FMN2: variants seen among roughly 807,000 people sequenced by gnomAD.
FMN2 encodes the protein formin-2.
A neutral mutation model predicts 142.3 loss-of-function variants in FMN2; 51 were observed. The ratio of observed to expected loss-of-function variants is 0.36; its 90% confidence interval spans 0.29 to 0.45. The LOEUF (loss-of-function observed/expected upper bound fraction) is 0.45, where lower values mean the gene tolerates loss of function less well. FMN2 is among the 20% of genes least tolerant of loss of function. The probability of loss-of-function intolerance (pLI) is 1.00; values close to 1 mark genes in which losing one functional copy is unlikely to be tolerated. For missense variants in FMN2, 1,936 were observed against 2,122.8 expected (o/e 0.91, Z 1.73); for synonymous variants, 882 against 869.8 (o/e 1.01, Z -0.25).
At chr1:240,377,403 A>T (rs1438458680) in intron 14 of FMN2, among the ~76,000 whole-genome samples, 1 of 151,810 alleles carries the variant, frequency 6.6e-6, no homozygotes, top group Non-Finnish European at 1.5e-5. Context: ...GTTTTCCGTT[A>T]GTGCTGTAAC....
rs1376983513 is a variant in FMN2 at position 240,228,332 on chromosome 1, AG to A, written c.4065+17098del. Reference sequence around the variant, plus strand: ...AAAAAAAAAAAAAAAAAAAAAAAAAAGAAAAAGAAAAAGAAAAAGAAAGAAA... The same window carrying A: ...AAAAAAAAAAAAAAAAAAAAAAAAAAAAAAAGAAAAAGAAAAAGAAAGAAA... On this transcript the variant is annotated intron_variant, in intron 6 of 17. Coordinates refer to ENST00000319653, the MANE Select transcript of FMN2 (RefSeq NM_020066.5). 8.4e-3 allele frequency among the ~76,000 whole-genome samples: 559 copies of A among 66,594 alleles called. 4 individuals are homozygous for A. The highest frequency in any genetic ancestry group is 0.024 in the Middle Eastern group (2 of 82). The allele number at this position is 66,594 out of a possible 152,430, so 43.7% of individuals were successfully genotyped here. A position where few individuals can be genotyped will look rare whatever the true frequency, so the allele number is the denominator to read the frequency against.
intron 2 of FMN2, chr1:240,170,845 C>G (rs752281178): frequency 2.4e-6 from 2 of 820,396 alleles, no homozygotes; most frequent in Non-Finnish European, 4.4e-6. Flanking sequence ...GGACATCCAT[C>G]AAGATAAATT....
intron 2 of FMN2, among the ~76,000 whole-genome samples, chr1:240,160,862 T>G (rs913423211): frequency 6.6e-6 from 1 of 152,090 alleles, no homozygotes; most frequent in South Asian, 2.1e-4. Context: ...AGATAAATAA[T>G]TAGAAATAAA....
At chr1:240,185,604 G>C (rs1665411616) in intron 3 of FMN2, among the ~76,000 whole-genome samples, 1 of 152,212 alleles carries the variant, frequency 6.6e-6, no homozygotes, top group South Asian at 2.1e-4. Flanking sequence ...CTGATAAACT[G>C]CACTTGTTCT....
intron 15 of FMN2, among the ~76,000 whole-genome samples, chr1:240,437,344 A>G (rs899824878): frequency 9.1e-5 from 12 of 131,568 alleles, no homozygotes; most frequent in African/African-American, 1.2e-4. Flanking sequence ...CCCCGGCTGG[A>G]GTGCAGTGGT....
intron 6 of FMN2, among the ~76,000 whole-genome samples, chr1:240,256,882 A>G (rs1158025563): frequency 6.6e-6 from 1 of 152,232 alleles, no homozygotes; most frequent in Non-Finnish European, 1.5e-5. Flanking sequence ...ATTGCTATTA[A>G]GAATATTGTT....
chr1:240,180,140 G>T, intron 3 of FMN2: 1 of 1,267,006 alleles, frequency 7.9e-7, no homozygotes, highest in Non-Finnish European at 1.0e-6. Context: ...GAAATAACTT[G>T]TCTCCTTTTT....
At chr1:240,117,384 A>C (rs1161091175) in intron 1 of FMN2, among the ~76,000 whole-genome samples, 2 of 152,186 alleles carry the variant, frequency 1.3e-5, no homozygotes, top group African/African-American at 4.8e-5. Context: ...GACAGACAAC[A>C]CCTGTGTGGC....
intron 13 of FMN2, among the ~76,000 whole-genome samples, chr1:240,339,394 A>G (rs1238455582): frequency 6.6e-6 from 1 of 152,112 alleles, no homozygotes; most frequent in Non-Finnish European, 1.5e-5. Flanking sequence ...TAGCATAGGT[A>G]TGTGTATATA....
chr1:240,180,311 G>A (rs1394541377), intron 3 of FMN2: 4 of 446,274 alleles, frequency 9.0e-6, no homozygotes, highest in East Asian at 8.6e-5. Flanking sequence ...ACTCCCTGAC[G>A]TAAATTTGGA....
At chr1:240,200,442 C>T (rs185751761) in intron 4 of FMN2, among the ~76,000 whole-genome samples, 169 of 152,246 alleles carry the variant, frequency 1.1e-3, no homozygotes, top group African/African-American at 4.0e-3. Flanking sequence ...AACTGGTACT[C>T]TCTGAGAGCC....
At chr1:240,185,844 G>C (rs984142190) in intron 3 of FMN2, among the ~76,000 whole-genome samples, 30 of 152,258 alleles carry the variant, frequency 2.0e-4, no homozygotes, top group African/African-American at 6.7e-4. Flanking sequence ...GGGAGGATTT[G>C]GAAGTGACGA....
chr1:240,447,568 G>A (rs572993763), intron 16 of FMN2, among the ~76,000 whole-genome samples: 18 of 152,254 alleles, frequency 1.2e-4, no homozygotes, highest in African/African-American at 2.4e-4. Flanking sequence ...GAGAATGTAC[G>A]GAACTCTCAT....
intron 6 of FMN2, among the ~76,000 whole-genome samples, chr1:240,214,325 G>A (rs1467622697): frequency 1.3e-5 from 2 of 152,024 alleles, no homozygotes; most frequent in Non-Finnish European, 2.9e-5. Context: ...GCCGAGGCGG[G>A]CGGATCACGA....
intron 15 of FMN2, among the ~76,000 whole-genome samples, chr1:240,398,250 C>T (rs765890446): frequency 2.6e-5 from 4 of 152,132 alleles, no homozygotes; most frequent in South Asian, 2.1e-4. Context: ...GTGGTCTGCC[C>T]GCCTTGGCCT....
At chr1:240,281,079 C>G (rs183980722) in intron 7 of FMN2, among the ~76,000 whole-genome samples, 73 of 152,238 alleles carry the variant, frequency 4.8e-4, no homozygotes, top group African/African-American at 1.7e-3. Flanking sequence ...TTAACTTGTA[C>G]AGCTCTTATA....
chr1:240,135,367 T>C (rs1269775607), intron 2 of FMN2, among the ~76,000 whole-genome samples: 2 of 152,216 alleles, frequency 1.3e-5, no homozygotes, highest in Non-Finnish European at 1.5e-5. Flanking sequence ...CTGTAAGGGA[T>C]ATTTTCCAAT....
chr1:240,247,665 T>C (rs1167289532), intron 6 of FMN2, among the ~76,000 whole-genome samples: 1 of 152,090 alleles, frequency 6.6e-6, no homozygotes, highest in Admixed American at 6.6e-5. Flanking sequence ...GGTATCAGTT[T>C]GGAGAATGGA....
chr1:240,276,877 T>C (rs971588996), intron 7 of FMN2, among the ~76,000 whole-genome samples: 2 of 152,206 alleles, frequency 1.3e-5, no homozygotes, highest in Non-Finnish European at 2.9e-5. Flanking sequence ...AGGCTCTGCC[T>C]GGAAAGGGGA....
Sources: gnomAD v4.1 joint callset for allele counts (sites outside exome capture counted in the v4.1 genomes callset) on GRCh38, gnomAD v4.1.1 for gene constraint, MANE v1.5 for transcripts, NCBI Gene and HGNC (gene_info 2026-07-23, HGNC 2026-07-21) for gene names.